PDXDC1: variants seen among roughly 807,000 people sequenced by gnomAD.
The protein encoded by PDXDC1 is pyridoxal-dependent decarboxylase domain-containing protein 1.
In PDXDC1, 42 loss-of-function variants were observed where a neutral mutation model predicts 100.1. That is an observed-to-expected ratio of 0.42 (90% CI 0.33 to 0.54). The LOEUF (loss-of-function observed/expected upper bound fraction) is 0.54, where lower values mean the gene tolerates loss of function less well. PDXDC1 is among the 20% of genes least tolerant of loss of function. The pLI, the probability that PDXDC1 is intolerant of heterozygous loss-of-function variation, is 0.10. For missense variants in PDXDC1, 636 were observed against 979.2 expected (o/e 0.65, Z 4.68); for synonymous variants, 260 against 371.7 (o/e 0.70, Z 3.46).
intron 16 of PDXDC1, among the ~76,000 whole-genome samples, chr16:15,030,544 C>CAA (rs1156634836): frequency 0.58 from 22,430 of 38,490 alleles, 7,486 homozygotes; most frequent in Non-Finnish European, 0.67. Context: ...GACTCCATCT[C>CAA]AAAAAAAAAA....
chr16:15,033,106 T>A (rs1456555901), intron 18 of PDXDC1, 127 bp downstream of exon 18: 1 of 960,256 alleles, frequency 1.0e-6, no homozygotes, highest in East Asian at 2.4e-5. Context: ...AAGATGCGGT[T>A]CTGAGACCTC....
At chr16:14,989,520 C>T in intron 1 of PDXDC1, 1 of 1,612,354 alleles carries the variant, frequency 6.2e-7, no homozygotes, top group East Asian at 2.2e-5. Context: ...CGCGGTCACG[C>T]GCTCCGTGGG....
chr16:15,015,158 G>T (rs1454919072), intron 8 of PDXDC1, among the ~76,000 whole-genome samples: 16 of 152,202 alleles, frequency 1.1e-4, no homozygotes, highest in Non-Finnish European at 2.2e-4. Flanking sequence ...AGCCAGGATG[G>T]TCTCCATCTC....
chr16:15,024,219 G>A (rs2042413864), intron 13 of PDXDC1, among the ~76,000 whole-genome samples: 1 of 152,260 alleles, frequency 6.6e-6, no homozygotes, highest in Non-Finnish European at 1.5e-5. Flanking sequence ...ATACCATGAG[G>A]CATTATGGCC....
At chr16:14,985,561 A>G (rs796235682) in intron 1 of PDXDC1, among the ~76,000 whole-genome samples, 10 of 152,398 alleles carry the variant, frequency 6.6e-5, no homozygotes, top group African/African-American at 2.2e-4. Context: ...CTGGGATTAC[A>G]GGTGTGAGCC....
At chr16:15,071,183 G>A (rs377335125) in intron 16 of PDXDC1, 4 of 1,610,594 alleles carry the variant, frequency 2.5e-6, no homozygotes, top group African/African-American at 1.3e-5. Context: ...CAGCCTGCCT[G>A]ATGATGGCAG....
chr16:15,079,046 G>A (rs1462567671), intron 16 of PDXDC1, among the ~76,000 whole-genome samples: 3 of 151,956 alleles, frequency 2.0e-5, no homozygotes, highest in Non-Finnish European at 4.4e-5. Flanking sequence ...TCCTGACCTC[G>A]TGATCCGCCC....
chr16:15,098,590 C>A (rs543482906), intron 16 of PDXDC1, among the ~76,000 whole-genome samples: 2 of 152,004 alleles, frequency 1.3e-5, no homozygotes, highest in Non-Finnish European at 2.9e-5. Context: ...TAAAGAGTGA[C>A]CTTCTTGGCC....
intron 17 of PDXDC1, 87 bp downstream of exon 17, chr16:15,031,993 C>T: frequency 8.6e-7 from 1 of 1,163,314 alleles, no homozygotes; most frequent in Non-Finnish European, 1.2e-6. Context: ...CTTAGAAATC[C>T]AAGATGAACG....
intron 16 of PDXDC1, chr16:15,121,935 G>A (rs1341121294): frequency 3.9e-6 from 1 of 256,270 alleles, no homozygotes; most frequent in Non-Finnish European, 7.8e-6. Context: ...GAGGTCAAGA[G>A]ATGGAGACTA....
intron 1 of PDXDC1, among the ~76,000 whole-genome samples, chr16:14,977,269 C>CTTTTT (rs5816116): frequency 9.5e-5 from 9 of 95,042 alleles, no homozygotes; most frequent in African/African-American, 2.0e-4. Context: ...ATGGGACTTA[C>CTTTTT]TTTTTTTTTT....
At chr16:15,017,941 T>C (rs1272220597) in intron 11 of PDXDC1, among the ~76,000 whole-genome samples, 2 of 152,322 alleles carry the variant, frequency 1.3e-5, no homozygotes, top group Non-Finnish European at 1.5e-5. Context: ...ATTACAGGCA[T>C]GCGCCACCAC....
intron 1 of PDXDC1, among the ~76,000 whole-genome samples, chr16:14,978,547 A>G (rs554222856): frequency 6.6e-6 from 1 of 152,362 alleles, no homozygotes; most frequent in East Asian, 1.9e-4. Flanking sequence ...TCACCCCCAC[A>G]CTGAGCTAAT....
chr16:15,094,525 G>A (rs1287255796), intron 16 of PDXDC1: 2 of 501,822 alleles, frequency 4.0e-6, no homozygotes, highest in African/African-American at 4.0e-5. Flanking sequence ...CCCTGGATGT[G>A]CTAAGCTGTG....
chr16:15,041,152 T>C (rs764841489), downstream of PDXDC1: 2 of 1,279,544 alleles, frequency 1.6e-6, no homozygotes, highest in South Asian at 2.4e-5. Context: ...AGATACACTT[T>C]TTAAAGAAAT....
At chr16:15,049,382 C>A (rs1204511073) in intron 16 of PDXDC1, among the ~76,000 whole-genome samples, 1 of 152,074 alleles carries the variant, frequency 6.6e-6, no homozygotes, top group African/African-American at 2.4e-5. Flanking sequence ...GGAAATCTGT[C>A]CTAAGGAAAT....
chr16:15,071,702 A>G (rs1250109148), intron 16 of PDXDC1, among the ~76,000 whole-genome samples: 1 of 152,220 alleles, frequency 6.6e-6, no homozygotes, highest in African/African-American at 2.4e-5. Context: ...CAGGAGGCAG[A>G]GGTTGCAGTG....
chr16:14,999,680 A>G (rs1365898359), intron 3 of PDXDC1, among the ~76,000 whole-genome samples: 3 of 152,262 alleles, frequency 2.0e-5, no homozygotes, highest in Middle Eastern at 3.2e-3. Flanking sequence ...TATTGTTTTC[A>G]TAATGTAAAT....
chr16:15,129,490 T>A (rs1012552108), intron 16 of PDXDC1, among the ~76,000 whole-genome samples: 3 of 152,130 alleles, frequency 2.0e-5, no homozygotes, highest in South Asian at 4.1e-4. Flanking sequence ...GCAATTCCAA[T>A]GAAAGGAAAA....
Sources: gnomAD v4.1 joint callset for allele counts (sites outside exome capture counted in the v4.1 genomes callset) on GRCh38, gnomAD v4.1.1 for gene constraint, MANE v1.5 for transcripts, NCBI Gene and HGNC (gene_info 2026-07-23, HGNC 2026-07-21) for gene names.